The following CDH26 variants were observed in gnomAD, a reference collection of about 807,000 sequenced individuals.
The protein encoded by CDH26 is cadherin 26.
Under a neutral mutation model 90.3 loss-of-function variants are expected in CDH26, and 83 were observed. The ratio of observed to expected loss-of-function variants is 0.92; its 90% CI spans 0.77 to 1.10. The LOEUF (loss-of-function observed/expected upper bound fraction) is 1.10. Ranked by LOEUF, CDH26 falls within the 50% of genes least tolerant of loss-of-function variation. CDH26 has a pLI of 0.00. For synonymous variants in CDH26, 397 were observed against 396.3 expected (o/e 1.00, Z -0.02); for missense variants, 1,013 against 1,037.6 (o/e 0.98, Z 0.33).
intron 14 of CDH26, among the ~76,000 whole-genome samples, chr20:60,000,278 C>T (rs1484860638): frequency 6.6e-6 from 1 of 152,214 alleles, no homozygotes; most frequent in East Asian, 1.9e-4. Flanking sequence ...TCTCACCGTG[C>T]AAATCAGTGT....
At chr20:60,031,232 C>T in exon 8 of CDH26, 8 of 1,210,218 alleles carry the variant, frequency 6.6e-6, no homozygotes, top group Middle Eastern at 2.4e-4. Flanking sequence ...TTTGTGTAGT[C>T]TAAAGAGAGA....
Position 59,967,977 on chromosome 20 carries a change from T to A in CDH26, c.70-990T>A, listed in dbSNP as rs194980. On this transcript the variant is annotated intron_variant, in intron 1 of 17. Coordinates refer to ENST00000348616, the MANE Select transcript of CDH26 (RefSeq NM_177980.4). ...TTTCTATCTTTCTTTCTTTCTTTCT[T>A]TCTTTCTTTCTTTCTTTCTTTCTTT... Among the ~76,000 whole-genome samples, 695 of 124,004 alleles carry A rather than the reference T, an allele frequency of 5.6e-3. 22 individuals are homozygous for A. The highest frequency in any genetic ancestry group is 0.019 in the African/African-American group (510 of 27,306). The allele number at this position is 124,004 out of a possible 152,430, so 81.4% of individuals were successfully genotyped here.
At chr20:60,016,656 A>C (rs548563750), downstream of CDH26, among the ~76,000 whole-genome samples, 1 of 150,922 alleles carries the variant, frequency 6.6e-6, no homozygotes, top group Non-Finnish European at 1.5e-5. Context: ...TATGTTGAAT[A>C]CAAGAAGAGA....
chr20:60,010,902 G>A (rs2061828206), intron 17 of CDH26, among the ~76,000 whole-genome samples: 1 of 152,236 alleles, frequency 6.6e-6, no homozygotes, highest in South Asian at 2.1e-4. Flanking sequence ...CTCAGAACTG[G>A]AAATGGGGCT....
chr20:59,970,734 C>G (rs2061250139), intron 3 of CDH26, among the ~76,000 whole-genome samples: 2 of 151,578 alleles, frequency 1.3e-5, no homozygotes, highest in South Asian at 2.1e-4. Context: ...GGCATGAACC[C>G]AGGAGGCGGA....
At chr20:59,997,917 C>A (rs111728587) in intron 13 of CDH26, among the ~76,000 whole-genome samples, 8,719 of 152,280 alleles carry the variant, frequency 0.057, 566 homozygotes, top group African/African-American at 0.16. Flanking sequence ...GTCTTCCCTG[C>A]GGCATGAAGG....
chr20:59,976,235 T>G (rs1469748713), intron 4 of CDH26, among the ~76,000 whole-genome samples: 1 of 152,212 alleles, frequency 6.6e-6, no homozygotes, highest in Non-Finnish European at 1.5e-5. Context: ...TGTATCAAGT[T>G]AATGCACCAT....
Position 59,992,548 on chromosome 20 carries a change from T to C in CDH26, c.1426+28T>C. 1.2e-6 allele frequency: 2 copies of C among 1,611,216 alleles called. No individual in the cohort carries two copies. Among genetic ancestry groups the C allele is most frequent in the South Asian group, 1.1e-5 (1 of 90,986 alleles). On this transcript the variant is annotated intron_variant, in intron 10 of 17. Transcript: ENST00000348616. This position sits in a 1 kb window ranked among gnomAD's most constrained non-coding sequence, Gnocchi z 5.0. ...GAGTGTTTACCCAAAATTGGAAAAA[T>C]AAAATGCTCATTCTTGCTTCCTGCG...
Position 59,995,835 on chromosome 20 carries a change from C to A in CDH26, c.1669C>A (p.Gln557Lys). The A allele has an allele frequency of 6.2e-7, 1 of 1,613,532 alleles. No individual in the cohort carries two copies. Among genetic ancestry groups the A allele is most frequent in the South Asian group, 1.1e-5 (1 of 91,046 alleles). ...CCATGTTCTTTTTCCCTTTGCAGGTCAATCAGTTGAACTTTTAACCTTGAG... is the reference window on the plus strand; with the variant it reads ...CCATGTTCTTTTTCCCTTTGCAGGTAAATCAGTTGAACTTTTAACCTTGAG... ...DTWKLGRNWG[Q>K]SVELLTLRSL... Residue 557 changes from glutamine (Q) to lysine (K), a missense_variant and splice_region_variant, in exon 12 of 18, where the codon CAA becomes AAA. Transcript: ENST00000348616.
exon 9 of CDH26, chr20:60,033,699 A>G: frequency 7.7e-7 from 1 of 1,293,340 alleles, no homozygotes; most frequent in African/African-American, 1.5e-5. Flanking sequence ...GTGGAGGGGC[A>G]TGGGCCTGCT....
chr20:59,969,142 A>T lies in CDH26; in HGVS notation c.126+119A>T, dbSNP rs1028001592. The stretch of plus-strand genomic sequence containing the variant: ...CCAATGTTTGGTTTGCAGAAAATAA[A>T]ATAGTAACTTCATGTGGCCTTTTAG... On this transcript the variant is annotated intron_variant, in intron 2 of 17. Coordinates refer to ENST00000348616, the MANE Select transcript of CDH26 (RefSeq NM_177980.4). 3 of 640,270 alleles carry T rather than the reference A, an allele frequency of 4.7e-6. No homozygotes were observed. The African/African-American group carries it at 5.4e-5, about 12-fold the overall frequency. 39.7% of individuals were successfully genotyped at this position (640,270 alleles called of 1,614,324 possible).
Position 59,992,645 on chromosome 20 carries a change from C to T in CDH26, c.1426+125C>T, listed in dbSNP as rs2061542805. 1 of 921,392 alleles carries T rather than the reference C, an allele frequency of 1.1e-6. No individual in the cohort carries two copies. The allele number at this position is 921,392 out of a possible 1,614,324, so 57.1% of individuals were successfully genotyped here. ...TAAAATAAACCTTGTTATCACTCTG[C>T]ATCCATGCTGGTGATTATTTTTGGT... On this transcript the variant is annotated intron_variant, in intron 10 of 17. Coordinates refer to ENST00000348616, the MANE Select transcript of CDH26 (RefSeq NM_177980.4). This position sits in a 1 kb window ranked among gnomAD's most constrained non-coding sequence, Gnocchi z 5.0.
chr20:60,014,242 A>G lies in CDH26; in HGVS notation c.*1512A>G, dbSNP rs1010324997. On this transcript the variant is annotated 3_prime_UTR_variant, in exon 18 of 18. Coordinates refer to ENST00000348616, the MANE Select transcript of CDH26 (RefSeq NM_177980.4). ...TCAATACATTTACAGTGATCAGATC[A>G]GGGTGGTTAACGTAATCATTGGCTC... 8 of 152,214 alleles carry G rather than the reference A, an allele frequency of 5.3e-5. No homozygotes were observed. Among genetic ancestry groups the G allele is most frequent in the African/African-American group, 1.9e-4 (8 of 41,444 alleles). 9.4% of individuals were successfully genotyped at this position (152,214 alleles called of 1,614,324 possible).
Position 59,989,065 on chromosome 20 carries a change from C to T in CDH26, c.1185C>T (p.Ala395=). 2 of 1,614,200 alleles carry T rather than the reference C, an allele frequency of 1.2e-6. No homozygotes were observed. The highest frequency in any genetic ancestry group is 2.2e-5 in the South Asian group (2 of 91,088). The part of the protein sequence containing the change: ...VQVTDANDPP[A]FHPQSFIVNK... ...TGACAGACGCCAACGACCCACCAGC[C>T]TTTCACCCCCAGAGCTTCATTGTCA... Residue 395 remains alanine, a synonymous_variant, in exon 9 of 18, where the codon GCC becomes GCT. Transcript: ENST00000348616.
At chr20:59,993,858 A>C (rs2061558165) in intron 10 of CDH26, among the ~76,000 whole-genome samples, 1 of 152,172 alleles carries the variant, frequency 6.6e-6, no homozygotes, top group South Asian at 2.1e-4. Flanking sequence ...TAACCTTGTA[A>C]CCAGTACATC....
At chr20:60,021,855 C>CACACACACACACACACACACAT (rs1569068527) in intron 7 of CDH26, among the ~76,000 whole-genome samples, 3 of 58,982 alleles carry the variant, frequency 5.1e-5, no homozygotes, top group African/African-American at 5.8e-5. Context: ...TCTGTACACA[C>CACACACACACACACACACACAT]ACACACACAC....
intron 16 of CDH26, 118 bp downstream of exon 16, chr20:60,002,984 C>A (rs369698191): frequency 3.3e-6 from 2 of 611,530 alleles, no homozygotes; most frequent in Non-Finnish European, 5.3e-6. Context: ...AAAAAATATG[C>A]CCAACATCCA....
intron 1 of CDH26, among the ~76,000 whole-genome samples, chr20:59,968,053 GTCTCTCTC>G (rs1229883988): frequency 2.8e-5 from 2 of 70,708 alleles, no homozygotes; most frequent in African/African-American, 6.4e-5. Flanking sequence ...CTCTCTCTCT[GTCTCTCTC>G]TCTCTCTCTC....
At chr20:59,960,539 G>T (rs2061056490) in intron 1 of CDH26, among the ~76,000 whole-genome samples, 1 of 152,098 alleles carries the variant, frequency 6.6e-6, no homozygotes, top group Non-Finnish European at 1.5e-5. Flanking sequence ...TTTGCACAAA[G>T]GCCGTTAAAA....
Sources: allele counts gnomAD v4.1 joint callset (sites outside exome capture counted in the v4.1 genomes callset), GRCh38; gene constraint gnomAD v4.1.1; non-coding constraint Gnocchi (gnomAD v3.1); transcripts MANE v1.5; gene names NCBI Gene and HGNC (gene_info 2026-07-23, HGNC 2026-07-21).